TTLL11: variants seen among roughly 807,000 people sequenced by gnomAD.
TTLL11 encodes the protein tubulin polyglutamylase TTLL11.
TTLL11 carries 42 observed loss-of-function variants against 51.7 expected under a neutral mutation model. That is an observed-to-expected ratio of 0.81 (90% CI 0.64 to 1.05). TTLL11 has a LOEUF of 1.05. TTLL11 is among the 50% of genes least tolerant of loss of function. The pLI is 0.00. For synonymous variants in TTLL11, 381 were observed against 383.5 expected (o/e 0.99, Z 0.08); for missense variants, 799 against 940.4 (o/e 0.85, Z 1.97).
At chr9:121,858,931 G>A (rs1037522030) in intron 8 of TTLL11, among the ~76,000 whole-genome samples, 3 of 152,172 alleles carry the variant, frequency 2.0e-5, no homozygotes, top group African/African-American at 7.2e-5. Context: ...CACTCCTCAC[G>A]ACCCGGTGCC....
chr9:121,988,915 A>C (rs917829611), intron 4 of TTLL11: 2 of 596,362 alleles, frequency 3.4e-6, no homozygotes, highest in Non-Finnish European at 5.4e-6. Context: ...TCTGCTTTAC[A>C]TGTGTTATCT....
At chr9:121,841,817 G>A (rs1168798624) in intron 8 of TTLL11, among the ~76,000 whole-genome samples, 1 of 152,072 alleles carries the variant, frequency 6.6e-6, no homozygotes, top group African/African-American at 2.4e-5. Flanking sequence ...CTAGATGCCA[G>A]TATAGCAACT....
At position 122,056,133 on chromosome 9, in the gene TTLL11, G is replaced by A. The variant is rs530237351; in HGVS notation, c.463-16765C>T. Among the ~76,000 whole-genome samples the A allele has an allele frequency of 5.3e-5, 8 of 152,268 alleles. 1 individual carries two copies. Among genetic ancestry groups the A allele is most frequent in the South Asian group, 4.1e-4 (2 of 4,822 alleles). On this transcript the variant is annotated intron_variant, in intron 1 of 8. Coordinates refer to ENST00000321582, the MANE Select transcript of TTLL11 (RefSeq NM_001139442.2). ...ATGTATGCACTGCTGCCAAAATAAC[G>A]TACCCAAGGGAGAGAGAAGAGGTCT...
chr9:121,877,130 GTCCCCGTCCCTGCTGT>G (rs1489052897), intron 6 of TTLL11, among the ~76,000 whole-genome samples: 1 of 152,224 alleles, frequency 6.6e-6, no homozygotes, highest in Non-Finnish European at 1.5e-5. Context: ...ACATAAACAG[GTCCCCGTCCCTGCTGT>G]TCGGCCAAGG....
intron 8 of TTLL11, among the ~76,000 whole-genome samples, chr9:121,844,831 G>GA (rs57707855): frequency 0.54 from 81,530 of 151,000 alleles, 22,663 homozygotes; most frequent in East Asian, 0.74. Context: ...ATGAATTAAA[G>GA]AAAAAAAATA....
intron 1 of TTLL11, among the ~76,000 whole-genome samples, chr9:122,060,570 A>G (rs1415391986): frequency 1.3e-5 from 2 of 152,206 alleles, no homozygotes; most frequent in Non-Finnish European, 2.9e-5. Flanking sequence ...ACCAGACACA[A>G]GCTAGTGCCA....
Position 121,940,099 on chromosome 9 carries a change from G to A in TTLL11, c.1481+33910C>T, listed in dbSNP as rs190479598. 1.5e-3 allele frequency among the ~76,000 whole-genome samples: 229 copies of A among 152,296 alleles called. 1 individual carries two copies. The highest frequency in any genetic ancestry group is 5.2e-3 in the African/African-American group (216 of 41,568). On this transcript the variant is annotated intron_variant, in intron 6 of 8. Transcript: ENST00000321582. The stretch of plus-strand genomic sequence containing the variant: ...AACATGACAACCCAGCTCATTCTCA[G>A]ATATTTCAACAATGGCACAGGTCAA...
In TTLL11 at chr9:121,816,572, G is replaced by GCGTGCGCA. The variant is rs1477852612; in HGVS notation, c.*6014_*6015insTGCGCACG. On this transcript the variant is annotated 3_prime_UTR_variant, in exon 9 of 9. Coordinates refer to ENST00000321582, the MANE Select transcript of TTLL11 (RefSeq NM_001139442.2). The stretch of plus-strand genomic sequence containing the variant: ...CGTGCGCACGTGTGTGCATGCGTGT[G>GCGTGCGCA]CGTGTGTGCATGTGTGTGCGTGTGT... The GCGTGCGCA allele has an allele frequency of 6.6e-6, 1 of 151,966 alleles. No individual in the cohort carries two copies. The highest frequency in any genetic ancestry group is 2.4e-5 in the African/African-American group (1 of 41,212). The allele number at this position is 151,966 out of a possible 1,614,324, so 9.4% of individuals were successfully genotyped here. A position where few individuals can be genotyped will look rare whatever the true frequency, so the allele number is the denominator to read the frequency against.
chr9:121,939,462 A>G lies in TTLL11; in HGVS notation c.1481+34547T>C, dbSNP rs1331607900. 2.0e-5 allele frequency among the ~76,000 whole-genome samples: 3 copies of G among 152,188 alleles called. No homozygotes were observed. The East Asian group carries it at 5.8e-4, about 29-fold the overall frequency. On this transcript the variant is annotated intron_variant, in intron 6 of 8. Transcript: ENST00000321582. Reference sequence around the variant, plus strand: ...CATTTATACAAAAAGGGACACATTAAATAGTCACTTTGTTGCCAAACATAC... The same window carrying G: ...CATTTATACAAAAAGGGACACATTAGATAGTCACTTTGTTGCCAAACATAC...
At chr9:122,065,737 C>T (rs1020493145) in intron 1 of TTLL11, among the ~76,000 whole-genome samples, 17 of 152,262 alleles carry the variant, frequency 1.1e-4, no homozygotes, top group Middle Eastern at 3.4e-3. Flanking sequence ...TTACCTCCAT[C>T]GTAGACTTAT....
At chr9:121,905,809 T>C (rs1035593929) in intron 6 of TTLL11, among the ~76,000 whole-genome samples, 2 of 152,238 alleles carry the variant, frequency 1.3e-5, no homozygotes, top group African/African-American at 4.8e-5. Flanking sequence ...AAAAAATCTT[T>C]CTCATAATTT....
At chr9:122,007,332 C>CA (rs1264903631) in intron 3 of TTLL11, among the ~76,000 whole-genome samples, 2 of 151,338 alleles carry the variant, frequency 1.3e-5, no homozygotes, top group African/African-American at 4.9e-5. Context: ...ACTAAAAATA[C>CA]AAAAAAATTA....
At chr9:122,006,013 C>G (rs1843632143) in intron 3 of TTLL11, among the ~76,000 whole-genome samples, 2 of 152,200 alleles carry the variant, frequency 1.3e-5, no homozygotes, top group Non-Finnish European at 2.9e-5. Flanking sequence ...AAGGTTCAAA[C>G]TGAGTATCAC....
chr9:122,015,821 AAAG>A (rs1459237109), intron 3 of TTLL11, among the ~76,000 whole-genome samples: 9 of 149,910 alleles, frequency 6.0e-5, no homozygotes, highest in African/African-American at 2.3e-4. Context: ...AAAAAAAAAA[AAAG>A]AAAGAAAGTA....
At chr9:121,956,444 T>C (rs888168200) in intron 6 of TTLL11, among the ~76,000 whole-genome samples, 5 of 152,268 alleles carry the variant, frequency 3.3e-5, no homozygotes, top group Non-Finnish European at 5.9e-5. Flanking sequence ...TCTTCAGTTC[T>C]GTGGTCACAA....
chr9:122,016,500 A>T (rs1265708663), intron 3 of TTLL11, among the ~76,000 whole-genome samples: 2 of 152,234 alleles, frequency 1.3e-5, no homozygotes, highest in Non-Finnish European at 2.9e-5. Context: ...GAATCAGGAC[A>T]AAGAATATAC....
chr9:121,899,251 G>A (rs192810555), intron 6 of TTLL11, among the ~76,000 whole-genome samples: 6 of 151,966 alleles, frequency 3.9e-5, no homozygotes, highest in African/African-American at 1.4e-4. Context: ...ACTCAACACC[G>A]CCTTCTCAAT....
intron 8 of TTLL11, among the ~76,000 whole-genome samples, chr9:121,841,792 C>T (rs1180161778): frequency 3.3e-5 from 5 of 152,044 alleles, no homozygotes; most frequent in Non-Finnish European, 5.9e-5. Context: ...TAGCAGCAGC[C>T]GTCGGCTTGA....
chr9:121,996,088 C>A (rs537786853), intron 3 of TTLL11, among the ~76,000 whole-genome samples: 3 of 152,190 alleles, frequency 2.0e-5, no homozygotes, highest in Non-Finnish European at 2.9e-5. Context: ...GCAGTGGCAT[C>A]GATTACCCCT....
Sources: gnomAD v4.1 joint callset for allele counts (sites outside exome capture counted in the v4.1 genomes callset) on GRCh38, gnomAD v4.1.1 for gene constraint, MANE v1.5 for transcripts, NCBI Gene and HGNC (gene_info 2026-07-23, HGNC 2026-07-21) for gene names.